Variants in DDX60L observed in about 807,000 individuals in gnomAD.
DDX60L encodes probable ATP-dependent RNA helicase DDX60-like.
Under a neutral mutation model 211.6 loss-of-function variants are expected in DDX60L, and 191 were observed. The ratio of observed to expected loss-of-function variants is 0.90; its 90% confidence interval spans 0.80 to 1.02. DDX60L has a LOEUF of 1.02. Ranked by LOEUF, DDX60L falls within the 50% of genes least tolerant of loss-of-function variation. The probability of loss-of-function intolerance (pLI) is 0.00; values close to 1 mark genes in which losing one functional copy is unlikely to be tolerated. For synonymous variants in DDX60L, 706 were observed against 694.1 expected, an observed-to-expected ratio of 1.02 and a Z score of -0.27; for missense variants, 2,007 against 1,984.1, an observed-to-expected ratio of 1.01 and a Z score of -0.22.
intron 29 of DDX60L, chr4:168,390,127 C>T (rs953843247): frequency 1.0e-6 from 1 of 986,010 alleles, no homozygotes; most frequent in Admixed American, 6.1e-5. Context: ...TTTATTCTGT[C>T]CTAGGAGATA....
At chr4:168,450,333 A>G (rs990069946) in intron 8 of DDX60L, among the ~76,000 whole-genome samples, 1 of 152,104 alleles carries the variant, frequency 6.6e-6, no homozygotes, top group East Asian at 1.9e-4. Flanking sequence ...TCAACGCCCT[A>G]TGATTTCATC....
intron 26 of DDX60L, among the ~76,000 whole-genome samples, chr4:168,399,252 G>C (rs1434316628): frequency 7.3e-6 from 1 of 136,116 alleles, no homozygotes; most frequent in African/African-American, 2.7e-5. Flanking sequence ...AAGAGAGAAG[G>C]AGAGAAGAGC....
chr4:168,433,221 T>C (rs1752604821), intron 10 of DDX60L, 106 bp from the exon 11 acceptor site: 1 of 731,522 alleles, frequency 1.4e-6, no homozygotes, highest in Non-Finnish European at 2.2e-6. Context: ...TACATAAATT[T>C]TACTAATGTT....
chr4:168,378,570 G>T, intron 32 of DDX60L, 95 bp from the exon 33 acceptor site: 1 of 932,166 alleles, frequency 1.1e-6, no homozygotes, highest in Non-Finnish European at 1.5e-6. Flanking sequence ...TCCTTTTGTT[G>T]AAGGCAAAAT....
rs373830421 is a variant in DDX60L at position 168,406,641 on chromosome 4, A to G, written c.3045T>C (p.Asp1015=). ...AAGTTTCCCAGACTTGAGCCATGGT[A>G]TCATAAAGCTGGATGCTTTCTTGAG... is the stretch of plus-strand genomic sequence containing the variant. ...LTPQESIQLY[D]TMAQVWETWP... is the part of the protein sequence containing the mutation. The change falls in exon 23 of 38, where the codon GAT becomes GAC. Residue 1015 remains aspartate (D), a synonymous_variant. Transcript: ENST00000682922. 250 of 1,606,206 alleles carry G rather than the reference A, an allele frequency of 1.6e-4. No homozygotes were observed. Among genetic ancestry groups the G allele is most frequent in the Non-Finnish European group, 1.8e-4 (217 of 1,176,146 alleles).
intron 35 of DDX60L, among the ~76,000 whole-genome samples, chr4:168,372,494 G>T (rs905337694): frequency 6.6e-6 from 1 of 152,136 alleles, no homozygotes; most frequent in Non-Finnish European, 1.5e-5. Context: ...GGGAAGCTGA[G>T]GTGGGTGGAT....
intron 10 of DDX60L, among the ~76,000 whole-genome samples, chr4:168,440,315 A>G (rs1456888221): frequency 6.6e-6 from 1 of 152,262 alleles, no homozygotes; most frequent in Non-Finnish European, 1.5e-5. Context: ...ACTTGGAACT[A>G]TCACCTTAGA....
At chr4:168,375,345 AT>A in intron 34 of DDX60L, 31 bp downstream of exon 34, 1 of 1,598,890 alleles carries the variant, frequency 6.3e-7, no homozygotes, top group Non-Finnish European at 8.5e-7. Context: ...TACTCTTTAA[AT>A]TGTTCCGGAA....
At chr4:168,369,996 A>T (rs915856377) in intron 36 of DDX60L, among the ~76,000 whole-genome samples, 2 of 152,194 alleles carry the variant, frequency 1.3e-5, no homozygotes, top group African/African-American at 4.8e-5. Context: ...TATATCCATT[A>T]TGGAAAACAG....
intron 37 of DDX60L, among the ~76,000 whole-genome samples, chr4:168,359,949 C>T (rs1185639864): frequency 6.6e-6 from 1 of 152,138 alleles, no homozygotes; most frequent in Non-Finnish European, 1.5e-5. Flanking sequence ...TCTGACTACC[C>T]TAATTATTCT....
At chr4:168,419,208 T>G (rs1235486932) in intron 19 of DDX60L, 94 bp downstream of exon 19, 7 of 764,764 alleles carry the variant, frequency 9.2e-6, no homozygotes, top group Non-Finnish European at 1.4e-5. Context: ...ACAACTTAAC[T>G]GCCATCATTG....
intron 36 of DDX60L, among the ~76,000 whole-genome samples, chr4:168,370,468 T>C (rs1740806434): frequency 6.6e-6 from 1 of 152,128 alleles, no homozygotes; most frequent in South Asian, 2.1e-4. Flanking sequence ...GATCAACATG[T>C]ACAAAATTAC....
chr4:168,393,737 T>G (rs1745265485), intron 28 of DDX60L, among the ~76,000 whole-genome samples: 1 of 152,208 alleles, frequency 6.6e-6, no homozygotes, highest in African/African-American at 2.4e-5. Flanking sequence ...AGTGCAAGTT[T>G]TTTCCAATTC....
At chr4:168,479,577 A>T (rs1760106648) in intron 1 of DDX60L, among the ~76,000 whole-genome samples, 1 of 152,208 alleles carries the variant, frequency 6.6e-6, no homozygotes, top group African/African-American at 2.4e-5. Context: ...GAAGTTTATT[A>T]TAAATTTATC....
chr4:168,446,036 T>C (rs1398634519), intron 9 of DDX60L, among the ~76,000 whole-genome samples: 5 of 148,250 alleles, frequency 3.4e-5, no homozygotes, highest in East Asian at 2.0e-4. Flanking sequence ...CCAGGGCAAT[T>C]AGGCAGGAGA....
rs537995922 is a variant in DDX60L, at chr4:168,459,755, G to A, written c.607-1747C>T. ...TAGGCAATATATCAAGACACCAAAG[G>A]GAGGGAAGGAAGGAAGGAGGGAAGG... On this transcript the variant is annotated intron_variant, in intron 5 of 37. Transcript: ENST00000682922. Among the ~76,000 whole-genome samples, 8 of 142,746 alleles carry A rather than the reference G, an allele frequency of 5.6e-5. No homozygotes were observed. The East Asian group carries it at 1.6e-3, about 29-fold the overall frequency. The allele number at this position is 142,746 out of a possible 152,430, so 93.6% of individuals were successfully genotyped here. A position where few individuals can be genotyped will look rare whatever the true frequency, so the allele number is the denominator to read the frequency against.
chr4:168,418,368 T>C (rs1749930742), intron 19 of DDX60L, among the ~76,000 whole-genome samples: 1 of 152,158 alleles, frequency 6.6e-6, no homozygotes. Context: ...ACACCCGGCC[T>C]CATTACCCAT....
At chr4:168,449,254 G>T (rs1037276015) in intron 8 of DDX60L, among the ~76,000 whole-genome samples, 19 of 151,866 alleles carry the variant, frequency 1.3e-4, no homozygotes, top group African/African-American at 3.4e-4. Context: ...AGATTAAGAG[G>T]CACATATACA....
At position 168,454,758 on chromosome 4, in the gene DDX60L, C is replaced by CTTTTTTTTTTTTTTTTTT. The variant is rs767461447; in HGVS notation, c.837+1263_837+1280dup. Among the ~76,000 whole-genome samples the CTTTTTTTTTTTTTTTTTT allele has an allele frequency of 1.2e-3, 106 of 88,622 alleles. 19 individuals are homozygous for CTTTTTTTTTTTTTTTTTT. Among genetic ancestry groups the CTTTTTTTTTTTTTTTTTT allele is most frequent in the African/African-American group, 4.2e-3 (87 of 20,670 alleles). 58.1% of individuals were successfully genotyped at this position (88,622 alleles called of 152,430 possible). A position where few individuals can be genotyped will look rare whatever the true frequency, so the allele number is the denominator to read the frequency against. On this transcript the variant is annotated intron_variant, in intron 7 of 37. Transcript: ENST00000682922. ...GTGCTCCCGAAGAGTAAACAGCTTC[C>CTTTTTTTTTTTTTTTTTT]TTTTTTTTTTTTTTTTTTTTTAGCA...
Sources: gnomAD v4.1 joint callset for allele counts (sites outside exome capture counted in the v4.1 genomes callset) on GRCh38, gnomAD v4.1.1 for gene constraint, MANE v1.5 for transcripts, NCBI Gene and HGNC (gene_info 2026-07-23, HGNC 2026-07-21) for gene names.